ESR1: variants seen among roughly 807,000 people sequenced by gnomAD.
The protein encoded by ESR1 is estrogen receptor.
In ESR1, 12 loss-of-function variants were observed where a neutral mutation model predicts 52.7. That is an observed-to-expected ratio of 0.23 (90% CI 0.15 to 0.37). ESR1 has a LOEUF of 0.37. Ranked by LOEUF, ESR1 falls within the 10% of genes least tolerant of loss-of-function variation. The probability of loss-of-function intolerance (pLI) is 1.00; values close to 1 mark genes in which losing one functional copy is unlikely to be tolerated. For synonymous variants in ESR1, 305 were observed against 316.8 expected (o/e 0.96, Z 0.39); for missense variants, 584 against 779.7 (o/e 0.75, Z 2.99).
intron 4 of ESR1, among the ~76,000 whole-genome samples, chr6:151,988,407 G>A (rs2040703314): frequency 6.6e-6 from 1 of 152,090 alleles, no homozygotes; most frequent in Non-Finnish European, 1.5e-5. Flanking sequence ...AGGCAGTAAT[G>A]CGAGCAATGG....
At chr6:151,968,664 C>T (rs1226974209) in intron 4 of ESR1, among the ~76,000 whole-genome samples, 1 of 152,080 alleles carries the variant, frequency 6.6e-6, no homozygotes, top group Non-Finnish European at 1.5e-5. Context: ...TTCATATTTA[C>T]AAATGGGAGT....
At chr6:151,849,110 G>C (rs1361367062) in intron 2 of ESR1, among the ~76,000 whole-genome samples, 1 of 152,042 alleles carries the variant, frequency 6.6e-6, no homozygotes, top group Admixed American at 6.6e-5. Flanking sequence ...CTCAGAAGTA[G>C]TGTTACCCTT....
At chr6:151,887,774 T>C (rs1457869651) in intron 3 of ESR1, among the ~76,000 whole-genome samples, 1 of 152,106 alleles carries the variant, frequency 6.6e-6, no homozygotes, top group African/African-American at 2.4e-5. Flanking sequence ...ATAAGGACCA[T>C]GTTCTTAAGC....
At chr6:151,660,902 G>C (rs968601162) in intron 1 of ESR1, among the ~76,000 whole-genome samples, 1 of 152,126 alleles carries the variant, frequency 6.6e-6, no homozygotes, top group Non-Finnish European at 1.5e-5. Context: ...TAAAATATAT[G>C]CTGATGCTTG....
intron 2 of ESR1, among the ~76,000 whole-genome samples, chr6:151,752,977 C>A (rs903480749): frequency 2.6e-5 from 4 of 152,170 alleles, no homozygotes; most frequent in Non-Finnish European, 5.9e-5. Flanking sequence ...GCCAAGAACA[C>A]CAAATCATCA....
At chr6:152,028,209 CA>C (rs2044328101) in intron 5 of ESR1, among the ~76,000 whole-genome samples, 3 of 152,166 alleles carry the variant, frequency 2.0e-5, no homozygotes, top group African/African-American at 7.2e-5. Flanking sequence ...CTGCAGCTCC[CA>C]GCATGAGTGA....
chr6:151,766,625 T>C (rs1254780232), intron 2 of ESR1, among the ~76,000 whole-genome samples: 1 of 152,228 alleles, frequency 6.6e-6, no homozygotes, highest in African/African-American at 2.4e-5. Context: ...GCTTGAATAC[T>C]ATGGCAAGTA....
chr6:151,893,230 T>C (rs1794959963), intron 3 of ESR1, among the ~76,000 whole-genome samples: 1 of 152,078 alleles, frequency 6.6e-6, no homozygotes, highest in African/African-American at 2.4e-5. Context: ...GCGCCTGTAA[T>C]CCCAGCTACT....
chr6:152,100,326 G>T lies in ESR1; in HGVS notation c.*1360G>T, dbSNP rs1161862598. The stretch of plus-strand genomic sequence containing the variant: ...GCTGTCACTACTCAGGCTGACTGGG[G>T]CCTGGTCAGATTACGTATGCCCTTG... On this transcript the variant is annotated 3_prime_UTR_variant, in exon 8 of 8. Coordinates refer to ENST00000206249, the MANE Select transcript of ESR1 (RefSeq NM_000125.4). 8 of 381,706 alleles carry T rather than the reference G, an allele frequency of 2.1e-5. No homozygotes were observed. The allele number at this position is 381,706 out of a possible 1,614,324, so 23.6% of individuals were successfully genotyped here. A position where few individuals can be genotyped will look rare whatever the true frequency, so the allele number is the denominator to read the frequency against.
chr6:152,123,007 G>A (rs1424176660), intron 6 of ESR1, among the ~76,000 whole-genome samples: 2 of 152,202 alleles, frequency 1.3e-5, no homozygotes, highest in Non-Finnish European at 2.9e-5. Context: ...CATGAATTAA[G>A]TAGATCCAGA....
intron 2 of ESR1, among the ~76,000 whole-genome samples, chr6:151,877,849 G>C (rs1255763849): frequency 6.6e-6 from 1 of 151,430 alleles, no homozygotes; most frequent in Non-Finnish European, 1.5e-5. Context: ...TCGCTCTGTT[G>C]TCCATGCTGG....
intron 5 of ESR1, among the ~76,000 whole-genome samples, chr6:152,025,211 T>C (rs1172039103): frequency 6.6e-6 from 1 of 151,748 alleles, no homozygotes; most frequent in East Asian, 1.9e-4. Flanking sequence ...CACGCTTTTT[T>C]TTTTTTTTTT....
At chr6:151,870,506 G>GCA (rs1425571514) in intron 2 of ESR1, among the ~76,000 whole-genome samples, 2 of 152,126 alleles carry the variant, frequency 1.3e-5, no homozygotes, top group Non-Finnish European at 2.9e-5. Flanking sequence ...CCCTACCATG[G>GCA]CACTCCTGAA....
intron 4 of ESR1, among the ~76,000 whole-genome samples, chr6:151,970,286 C>T (rs2038772090): frequency 1.3e-5 from 2 of 152,118 alleles, no homozygotes; most frequent in South Asian, 4.1e-4. Flanking sequence ...GGTTCCTCTC[C>T]TCCAGGACTG....
chr6:151,776,366 C>A (rs1012284775), intron 2 of ESR1, among the ~76,000 whole-genome samples: 48 of 152,328 alleles, frequency 3.2e-4, no homozygotes, highest in African/African-American at 1.1e-3. Flanking sequence ...TCAGAGATAA[C>A]AAAGCAGAGG....
chr6:151,994,852 G>A (rs1268794742), intron 4 of ESR1, among the ~76,000 whole-genome samples: 1 of 152,112 alleles, frequency 6.6e-6, no homozygotes, highest in African/African-American at 2.4e-5. Flanking sequence ...TTTGTGCTTA[G>A]GGTATTTTCA....
chr6:151,823,084 G>T (rs187208750), intron 1 of ESR1, among the ~76,000 whole-genome samples: 1 of 152,270 alleles, frequency 6.6e-6, no homozygotes, highest in Admixed American at 6.5e-5. Context: ...TAACATTTTA[G>T]CATGTCCCAT....
chr6:151,684,316 T>G (rs1778572791), intron 1 of ESR1, among the ~76,000 whole-genome samples: 3 of 152,094 alleles, frequency 2.0e-5, no homozygotes, highest in Non-Finnish European at 4.4e-5. Flanking sequence ...AAAGAGAGGT[T>G]GACTGAAGTT....
chr6:152,082,254 C>T (rs1251704730), intron 6 of ESR1, among the ~76,000 whole-genome samples: 1 of 152,100 alleles, frequency 6.6e-6, no homozygotes, highest in Non-Finnish European at 1.5e-5. Context: ...CATCAAAAAG[C>T]CTATCCACCA....
Sources: allele counts gnomAD v4.1 joint callset (sites outside exome capture counted in the v4.1 genomes callset), GRCh38; gene constraint gnomAD v4.1.1; transcripts MANE v1.5; gene names NCBI Gene and HGNC (gene_info 2026-07-23, HGNC 2026-07-21).